HERC2: variants seen among roughly 807,000 people sequenced by gnomAD.
HERC2 encodes E3 ubiquitin-protein ligase HERC2.
HERC2 carries 102 observed loss-of-function variants against 537.7 expected under a neutral mutation model. The ratio of observed to expected loss-of-function variants is 0.19; its 90% CI spans 0.16 to 0.22. HERC2 has a LOEUF of 0.22. HERC2 is among the 10% of genes least tolerant of loss of function. HERC2 has a pLI of 1.00. For synonymous variants in HERC2, 2,224 were observed against 2,466.2 expected, an observed-to-expected ratio of 0.90 and a Z score of 2.91; for missense variants, 4,236 against 6,198.2, an observed-to-expected ratio of 0.68 and a Z score of 10.63.
chr15:28,220,257 C>T (rs13379533), intron 37 of HERC2, among the ~76,000 whole-genome samples, 195 bp downstream of exon 37: 2,920 of 152,294 alleles, frequency 0.019, 94 homozygotes, highest in African/African-American at 0.066. Flanking sequence ...GCCAGATCGC[C>T]GGATCCCACA....
Position 28,296,552 on chromosome 15 carries a change from T to G in HERC2, c.187+2850A>C, listed in dbSNP as rs188965350. Among the ~76,000 whole-genome samples, 223 of 152,176 alleles carry G rather than the reference T, an allele frequency of 1.5e-3. 1 individual carries two copies. The highest frequency in any genetic ancestry group is 5.0e-3 in the African/African-American group (209 of 41,488). On this transcript the variant is annotated intron_variant, in intron 3 of 92. Transcript: ENST00000261609. ...CTTTGGATTTTGCCATGTACTTAGC[T>G]TTTCTTAGAGCACCTTTTAGAACTA...
At chr15:28,174,921 A>C (rs1420477434) in intron 64 of HERC2, among the ~76,000 whole-genome samples, 1 of 152,082 alleles carries the variant, frequency 6.6e-6, no homozygotes, top group Non-Finnish European at 1.5e-5. Context: ...TAAGTGTAAT[A>C]ATTTTTTCCC....
chr15:28,216,032 G>T (rs1008706701), intron 38 of HERC2, among the ~76,000 whole-genome samples: 2 of 151,708 alleles, frequency 1.3e-5, no homozygotes, highest in Non-Finnish European at 2.9e-5. Flanking sequence ...TTAGAGAAGG[G>T]CTCTCACTGT....
chr15:28,224,741 T>C (rs908478948), intron 35 of HERC2, among the ~76,000 whole-genome samples: 2 of 152,148 alleles, frequency 1.3e-5, no homozygotes, highest in African/African-American at 4.8e-5. Context: ...TCTCTTAGAC[T>C]GACCAGACCA....
intron 4 of HERC2, among the ~76,000 whole-genome samples, chr15:28,283,762 T>G (rs948347993): frequency 1.3e-5 from 2 of 152,212 alleles, no homozygotes; most frequent in Non-Finnish European, 2.9e-5. Context: ...GCAAGTATGT[T>G]ATGAACAGGA....
intron 7 of HERC2, among the ~76,000 whole-genome samples, chr15:28,273,612 C>T (rs565487126): frequency 6.6e-6 from 1 of 152,290 alleles, no homozygotes; most frequent in African/African-American, 2.4e-5. Flanking sequence ...TGTGGTGATG[C>T]CTTCACCAGC....
rs529820193 is a variant in HERC2 at position 28,191,589 on chromosome 15, C to T, written c.8452-345G>A. On this transcript the variant is annotated intron_variant, in intron 53 of 92. Coordinates refer to ENST00000261609, the MANE Select transcript of HERC2 (RefSeq NM_004667.6). ...TGTGTGCCCACGAGGTGCCTCCACG[C>T]GTTGGTGTAATCACAACAGCACTCC... 1.2e-4 allele frequency among the ~76,000 whole-genome samples: 18 copies of T among 152,276 alleles called. No homozygotes were observed. The South Asian group carries it at 3.5e-3, about 30-fold the overall frequency.
intron 2 of HERC2, chr15:28,315,638 T>TA (rs1462513496): frequency 1.7e-6 from 1 of 585,062 alleles, no homozygotes. Flanking sequence ...ACTAAAAATA[T>TA]AAAAAATTAT....
At chr15:28,114,960 G>C (rs1280306983) in intron 89 of HERC2, among the ~76,000 whole-genome samples, 158 bp from the exon 90 acceptor site, 1 of 152,020 alleles carries the variant, frequency 6.6e-6, no homozygotes, top group Admixed American at 6.6e-5. Flanking sequence ...TATAAGAGGA[G>C]CAACGAGAGA....
intron 4 of HERC2, among the ~76,000 whole-genome samples, chr15:28,291,037 A>G (rs2076295907): frequency 6.6e-6 from 1 of 152,228 alleles, no homozygotes; most frequent in African/African-American, 2.4e-5. Context: ...AAAAAACTCA[A>G]ATTGATAACT....
chr15:28,312,217 G>T (rs2076964864), intron 2 of HERC2, among the ~76,000 whole-genome samples: 2 of 152,300 alleles, frequency 1.3e-5, no homozygotes, highest in African/African-American at 4.8e-5. Flanking sequence ...CAGAGAGTTA[G>T]ACTGTGAACA....
chr15:28,304,934 C>T (rs906354139), intron 2 of HERC2, among the ~76,000 whole-genome samples: 1 of 142,376 alleles, frequency 7.0e-6, no homozygotes, highest in Non-Finnish European at 1.5e-5. Context: ...TCTCATTGTT[C>T]AATTCCCACC....
chr15:28,195,898 C>T (rs1897306245), intron 52 of HERC2, among the ~76,000 whole-genome samples: 1 of 152,238 alleles, frequency 6.6e-6, no homozygotes, highest in African/African-American at 2.4e-5. Context: ...AAAAAACTCA[C>T]TCTCCATCTA....
chr15:28,264,593 A>G (rs1335824492), intron 14 of HERC2, among the ~76,000 whole-genome samples: 3 of 152,202 alleles, frequency 2.0e-5, no homozygotes, highest in Non-Finnish European at 4.4e-5. Flanking sequence ...GCACCAAAGA[A>G]ACACCAGTGT....
In HERC2 at chr15:28,268,319, A is replaced by C. The variant is rs2075625405; in HGVS notation, c.1598+146T>G. 1.1e-5 allele frequency: 7 copies of C among 614,624 alleles called. No individual in the cohort carries two copies. Among genetic ancestry groups the C allele is most frequent in the Admixed American group, 3.4e-5 (1 of 29,240 alleles). The allele number at this position is 614,624 out of a possible 1,614,324, so 38.1% of individuals were successfully genotyped here. On this transcript the variant is annotated intron_variant, in intron 12 of 92. Coordinates refer to ENST00000261609, the MANE Select transcript of HERC2 (RefSeq NM_004667.6). The surrounding 1 kb of genome is among the most constrained non-coding windows in gnomAD (Gnocchi z 4.7). ...AGCTCCTAAGCCATCACCAAGGAGG[A>C]GGCATATCGTAGTGTCCTGCTCCAT... is the stretch of plus-strand genomic sequence containing the variant.
chr15:28,186,302 T>G (rs1896303347), intron 56 of HERC2, among the ~76,000 whole-genome samples: 1 of 152,182 alleles, frequency 6.6e-6, no homozygotes. Flanking sequence ...TACAAAGATA[T>G]ATACCAAAAT....
chr15:28,208,508 G>A (rs540952102), intron 44 of HERC2, among the ~76,000 whole-genome samples: 29 of 152,058 alleles, frequency 1.9e-4, no homozygotes, highest in Admixed American at 6.5e-4. Flanking sequence ...CCTAGCAGGT[G>A]TATCACCCGA....
At position 28,177,230 on chromosome 15, in the gene HERC2, C is replaced by A; in HGVS notation, c.9255-103G>T. 7.8e-7 allele frequency: 1 copy of A among 1,275,876 alleles called. No individual in the cohort carries two copies. The allele number at this position is 1,275,876 out of a possible 1,614,324, so 79.0% of individuals were successfully genotyped here. ...ATCCACATGTAGTCAACACAGGATC[C>A]ACAGATCAACTATCAAAACTTAAAG... On this transcript the variant is annotated intron_variant, in intron 60 of 92. Transcript: ENST00000261609. The surrounding 1 kb of genome is among the most constrained non-coding windows in gnomAD (Gnocchi z 5.0).
chr15:28,291,651 A>T (rs954899555), intron 4 of HERC2, among the ~76,000 whole-genome samples: 3 of 152,164 alleles, frequency 2.0e-5, no homozygotes, highest in Admixed American at 1.3e-4. Context: ...CAAAGAATAA[A>T]TGTATGGGTT....
Sources: gnomAD v4.1 joint callset for allele counts (sites outside exome capture counted in the v4.1 genomes callset) on GRCh38, gnomAD v4.1.1 for gene constraint, Gnocchi (gnomAD v3.1) non-coding constraint, MANE v1.5 for transcripts, NCBI Gene and HGNC (gene_info 2026-07-23, HGNC 2026-07-21) for gene names.